The following REDIC1 variants were observed in gnomAD, a reference collection of about 807,000 sequenced individuals.
The protein encoded by REDIC1 is HEI10 Interacting Protein 1.
At chr12:39,701,841 T>C in the REDIC1 span, among the ~76,000 whole-genome samples, 1 of 151,794 alleles carries the variant, frequency 6.6e-6, no homozygotes, top group African/African-American at 2.4e-5. Flanking sequence ...GAATGACTAC[T>C]GGGTACATAA....
chr12:39,628,596 T>A, the REDIC1 span, among the ~76,000 whole-genome samples: 3 of 152,234 alleles, frequency 2.0e-5, no homozygotes, highest in South Asian at 6.2e-4. Context: ...TCAGAACAAT[T>A]CCAGAGCCTT....
the REDIC1 span, among the ~76,000 whole-genome samples, chr12:39,798,219 G>A: frequency 4.6e-5 from 7 of 152,120 alleles, no homozygotes; most frequent in African/African-American, 1.7e-4. Flanking sequence ...CCTTGGAAGT[G>A]GATCCTTCAG....
the REDIC1 span, chr12:39,757,340 G>T: frequency 6.6e-6 from 1 of 151,658 alleles, no homozygotes; most frequent in Non-Finnish European, 1.5e-5. Context: ...TATATAAATT[G>T]TCCTACAAAA....
the REDIC1 span, among the ~76,000 whole-genome samples, chr12:39,697,995 C>T: frequency 6.6e-6 from 1 of 152,140 alleles, no homozygotes; most frequent in South Asian, 2.1e-4. Context: ...ACCCAATGAT[C>T]TGTTGCCTAT....
the REDIC1 span, among the ~76,000 whole-genome samples, chr12:39,723,259 C>A: frequency 1.3e-5 from 2 of 152,120 alleles, no homozygotes; most frequent in South Asian, 2.1e-4. Context: ...AATATAATAT[C>A]TTTCAGTGTG....
chr12:39,832,284 C>T, the REDIC1 span, among the ~76,000 whole-genome samples: 3 of 151,950 alleles, frequency 2.0e-5, no homozygotes, highest in Non-Finnish European at 4.4e-5. Context: ...TGTATTCTGC[C>T]CATATGAAGT....
the REDIC1 span, among the ~76,000 whole-genome samples, chr12:39,709,913 TG>T: frequency 6.6e-6 from 1 of 151,934 alleles, no homozygotes; most frequent in Non-Finnish European, 1.5e-5. Context: ...TTTCTGTAGT[TG>T]CTGCACCATT....
the REDIC1 span, among the ~76,000 whole-genome samples, chr12:39,750,897 A>G: frequency 6.6e-6 from 1 of 152,216 alleles, no homozygotes; most frequent in East Asian, 1.9e-4. Flanking sequence ...CTTACACCTT[A>G]TACAAAAATT....
chr12:39,713,607 C>A, the REDIC1 span, among the ~76,000 whole-genome samples: 3 of 147,030 alleles, frequency 2.0e-5, no homozygotes, highest in African/African-American at 7.5e-5. Flanking sequence ...CGTATATATA[C>A]ATATGTATAT....
At chr12:39,783,796 C>A in the REDIC1 span, among the ~76,000 whole-genome samples, 1 of 152,126 alleles carries the variant, frequency 6.6e-6, no homozygotes, top group Non-Finnish European at 1.5e-5. Flanking sequence ...TCCCTGTTTG[C>A]AGATGACATG....
chr12:39,675,596 A>G, the REDIC1 span, among the ~76,000 whole-genome samples: 10 of 152,234 alleles, frequency 6.6e-5, no homozygotes, highest in Admixed American at 5.2e-4. Context: ...CTGGCTATCC[A>G]GAGGTCCTGA....
At chr12:39,815,425 C>A in the REDIC1 span, among the ~76,000 whole-genome samples, 1 of 152,146 alleles carries the variant, frequency 6.6e-6, no homozygotes, top group East Asian at 1.9e-4. Context: ...CGAACAGGTT[C>A]TTTGTCAAAA....
chr12:39,876,122 C>G, the REDIC1 span, among the ~76,000 whole-genome samples: 1 of 152,144 alleles, frequency 6.6e-6, no homozygotes, highest in Non-Finnish European at 1.5e-5. Flanking sequence ...CTCACACATA[C>G]CATCTCTTCC....
At chr12:39,777,686 A>G in the REDIC1 span, among the ~76,000 whole-genome samples, 2 of 152,184 alleles carry the variant, frequency 1.3e-5, no homozygotes, top group African/African-American at 4.8e-5. Flanking sequence ...CAATGGAGGC[A>G]CACACAGGTG....
At chr12:39,751,596 T>C in the REDIC1 span, among the ~76,000 whole-genome samples, 1 of 152,214 alleles carries the variant, frequency 6.6e-6, no homozygotes, top group Non-Finnish European at 1.5e-5. Context: ...TAAAGACACA[T>C]GGACATGTAT....
the REDIC1 span, among the ~76,000 whole-genome samples, chr12:39,714,297 A>ATATATGTT: frequency 6.8e-6 from 1 of 147,978 alleles, no homozygotes; most frequent in African/African-American, 2.5e-5. Context: ...ATATGCATGC[A>ATATATGTT]TATATGTATA....
the REDIC1 span, among the ~76,000 whole-genome samples, chr12:39,891,671 A>G: frequency 1.3e-5 from 2 of 152,080 alleles, no homozygotes; most frequent in African/African-American, 4.8e-5. Flanking sequence ...TACTATTGCA[A>G]TTTTACATAT....
the REDIC1 span, among the ~76,000 whole-genome samples, chr12:39,663,854 T>C: frequency 6.6e-6 from 1 of 152,046 alleles, no homozygotes; most frequent in Non-Finnish European, 1.5e-5. Flanking sequence ...TGGTGATGAA[T>C]CTCCTGCTTT....
the REDIC1 span, among the ~76,000 whole-genome samples, chr12:39,907,242 T>A: frequency 6.6e-6 from 1 of 152,134 alleles, no homozygotes; most frequent in Non-Finnish European, 1.5e-5. Flanking sequence ...TTTCAAATAT[T>A]TTCACTTCCA....
Sources: allele counts gnomAD v4.1 joint callset (sites outside exome capture counted in the v4.1 genomes callset), GRCh38; gene constraint gnomAD v4.1.1; transcripts MANE v1.5; gene names NCBI Gene and HGNC (gene_info 2026-07-23, HGNC 2026-07-21).